STAU2: variants seen among roughly 807,000 people sequenced by gnomAD.
STAU2 encodes double-stranded RNA-binding protein Staufen homolog 2.
In STAU2, 20 loss-of-function variants were observed where a neutral mutation model predicts 65.9. The observed-to-expected ratio is 0.30, with a 90% confidence interval of 0.21 to 0.44. The LOEUF (loss-of-function observed/expected upper bound fraction) is 0.44, where lower values mean the gene tolerates loss of function less well. Among genes scored for constraint, STAU2 ranks in the 20% least tolerant of loss-of-function variants. The pLI is 1.00. For missense variants in STAU2, 558 were observed against 683.9 expected, an observed-to-expected ratio of 0.82 and a Z score of 2.05; for synonymous variants, 232 against 233.9, an observed-to-expected ratio of 0.99 and a Z score of 0.07.
intron 13 of STAU2, among the ~76,000 whole-genome samples, chr8:73,513,043 ACTG>A (rs1352012816): frequency 4.6e-5 from 7 of 152,102 alleles, no homozygotes; most frequent in African/African-American, 1.7e-4. Flanking sequence ...GCTTCCATTC[ACTG>A]CTTTTTCCCC....
chr8:73,604,343 C>T (rs576838564), intron 9 of STAU2, among the ~76,000 whole-genome samples: 24 of 152,154 alleles, frequency 1.6e-4, no homozygotes, highest in Non-Finnish European at 3.2e-4. Context: ...ATTCTCGTGC[C>T]TCAGCCTCCC....
intron 12 of STAU2, among the ~76,000 whole-genome samples, chr8:73,572,965 C>G (rs1167926230): frequency 6.6e-6 from 1 of 152,106 alleles, no homozygotes; most frequent in Non-Finnish European, 1.5e-5. Flanking sequence ...TCAAATTGTC[C>G]CTGTTTGCAG....
intron 13 of STAU2, among the ~76,000 whole-genome samples, chr8:73,431,531 TGTCC>T (rs1366661692): frequency 6.6e-6 from 1 of 152,222 alleles, no homozygotes; most frequent in Non-Finnish European, 1.5e-5. Context: ...TCTGTATGTG[TGTCC>T]GTCCCTTAGA....
chr8:73,707,855 G>T (rs1202421725), intron 4 of STAU2, among the ~76,000 whole-genome samples: 1 of 151,522 alleles, frequency 6.6e-6, no homozygotes, highest in Non-Finnish European at 1.5e-5. Flanking sequence ...AGGAATCAGA[G>T]GTTTCACAAA....
Position 73,595,279 on chromosome 8 carries a change from C to A in STAU2, c.1048G>T (p.Val350Phe). The A allele has an allele frequency of 6.2e-7, 1 of 1,604,526 alleles. No homozygotes were observed. The change falls in exon 11 of 15, where the codon GTT becomes TTT. Residue 350 changes from valine (V) to phenylalanine (F), a missense_variant. Physicochemically the swap from Val to Phe is conservative, Grantham distance 50. Coordinates refer to ENST00000524300, the MANE Select transcript of STAU2 (RefSeq NM_001164380.2). ...TTATTAGGTCCTGTTCCTGTAGCAA[C>A]TTCATTGCCTACCTTCACCTGATAA... ...FVMQVKVGNEVATGTGPNKKI... is the reference protein window; with the variant it reads ...FVMQVKVGNEFATGTGPNKKI...
chr8:73,731,493 G>A lies in STAU2; in HGVS notation c.-18+6791C>T, dbSNP rs534638417. On this transcript the variant is annotated intron_variant, in intron 3 of 14. Transcript: ENST00000524300. ...CAATTGAAGGGCTTTACCTTCACTT[G>A]TTCCTATTCTCTCAGGGATCACAGT... Among the ~76,000 whole-genome samples the A allele has an allele frequency of 2.0e-5, 3 of 152,258 alleles. No homozygotes were observed. In the South Asian group the frequency reaches 6.2e-4, roughly 32 times the overall value.
chr8:73,497,123 G>A (rs1412348611), intron 13 of STAU2, among the ~76,000 whole-genome samples: 1 of 151,586 alleles, frequency 6.6e-6, no homozygotes, highest in Non-Finnish European at 1.5e-5. Context: ...TCATTAAGAA[G>A]CAAAGAACTG....
intron 13 of STAU2, among the ~76,000 whole-genome samples, chr8:73,462,305 T>C (rs1453647030): frequency 6.6e-6 from 1 of 152,104 alleles, no homozygotes; most frequent in African/African-American, 2.4e-5. Context: ...TGTTGGCATG[T>C]TGGCCAGGCT....
chr8:73,578,177 A>G (rs545531526), intron 12 of STAU2, among the ~76,000 whole-genome samples: 3 of 152,352 alleles, frequency 2.0e-5, no homozygotes, highest in African/African-American at 4.8e-5. Context: ...TGTAAAAATG[A>G]GCCAAGCGAG....
intron 13 of STAU2, among the ~76,000 whole-genome samples, chr8:73,435,497 C>T (rs1039112897): frequency 1.3e-5 from 2 of 151,878 alleles, no homozygotes; most frequent in African/African-American, 4.9e-5. Context: ...GGTTGGCTTT[C>T]CTCTCAGCAG....
At chr8:73,493,011 A>T (rs1361935312) in intron 13 of STAU2, among the ~76,000 whole-genome samples, 1 of 151,880 alleles carries the variant, frequency 6.6e-6, no homozygotes, top group African/African-American at 2.4e-5. Context: ...ACAGACCTAC[A>T]CTTACTTGGT....
chr8:73,492,946 A>G (rs1225666300), intron 13 of STAU2, among the ~76,000 whole-genome samples: 2 of 151,922 alleles, frequency 1.3e-5, no homozygotes, highest in African/African-American at 4.8e-5. Flanking sequence ...CACTTAATAT[A>G]AAGCTACAGT....
In STAU2 at chr8:73,739,232, C is replaced by CAA. The variant is rs34324889; in HGVS notation, c.-84+522_-84+523dup. The stretch of plus-strand genomic sequence containing the variant: ...TAGGCGACAGAGCGAGACTCCATCT[C>CAA]AAAAAAAAAAAAAAAAAAAATTTTA... On this transcript the variant is annotated intron_variant, in intron 2 of 14. Transcript: ENST00000524300. Among the ~76,000 whole-genome samples the CAA allele has an allele frequency of 4.0e-3, 419 of 104,182 alleles. 4 individuals carry two copies. The highest frequency in any genetic ancestry group is 0.015 in the East Asian group (57 of 3,692). The allele number at this position is 104,182 out of a possible 152,430, so 68.3% of individuals were successfully genotyped here. A position where few individuals can be genotyped will look rare whatever the true frequency, so the allele number is the denominator to read the frequency against.
chr8:73,550,958 A>C, intron 13 of STAU2: 1 of 985,508 alleles, frequency 1.0e-6, no homozygotes, highest in Non-Finnish European at 1.2e-6. Flanking sequence ...TGATCATTCT[A>C]CACAATACAG....
intron 13 of STAU2, chr8:73,438,906 A>G (rs922732139): frequency 2.2e-6 from 1 of 455,884 alleles, no homozygotes; most frequent in Non-Finnish European, 4.4e-6. Context: ...TTTGCTGGTA[A>G]AAGCTGTCTT....
At chr8:73,650,577 C>T (rs745981772) in intron 6 of STAU2, among the ~76,000 whole-genome samples, 2 of 151,968 alleles carry the variant, frequency 1.3e-5, no homozygotes, top group Non-Finnish European at 2.9e-5. Context: ...AAATGATAAC[C>T]CCCATCTCTA....
intron 12 of STAU2, among the ~76,000 whole-genome samples, chr8:73,581,486 C>T (rs978066188): frequency 3.9e-5 from 6 of 152,250 alleles, no homozygotes; most frequent in African/African-American, 1.2e-4. Flanking sequence ...ACATTCATTA[C>T]GTGCTTACTA....
intron 6 of STAU2, among the ~76,000 whole-genome samples, chr8:73,657,360 G>T (rs1158923291): frequency 6.6e-6 from 1 of 151,964 alleles, no homozygotes; most frequent in African/African-American, 2.4e-5. Flanking sequence ...AAAGCAAAGG[G>T]CCCTTCTACT....
intron 13 of STAU2, among the ~76,000 whole-genome samples, chr8:73,445,396 C>T (rs940358672): frequency 2.0e-5 from 3 of 152,064 alleles, no homozygotes; most frequent in Admixed American, 6.5e-5. Context: ...AAACACAAAA[C>T]AAAGCCCCCA....
Sources: allele counts gnomAD v4.1 joint callset (sites outside exome capture counted in the v4.1 genomes callset), GRCh38; gene constraint gnomAD v4.1.1; transcripts MANE v1.5; gene names NCBI Gene and HGNC (gene_info 2026-07-23, HGNC 2026-07-21).